The following CAMTA1 variants were observed in gnomAD, a reference collection of about 807,000 sequenced individuals.
The protein encoded by CAMTA1 is calmodulin binding transcription activator 1.
CAMTA1 carries 27 observed loss-of-function variants against 170.9 expected under a neutral mutation model. That is an observed-to-expected ratio of 0.16 (90% CI 0.12 to 0.22). The LOEUF (loss-of-function observed/expected upper bound fraction) is 0.22. CAMTA1 is among the 10% of genes least tolerant of loss of function. The probability of loss-of-function intolerance (pLI) is 1.00; values close to 1 mark genes in which losing one functional copy is unlikely to be tolerated. For missense variants in CAMTA1, 1,619 were observed against 2,217.2 expected, an observed-to-expected ratio of 0.73 and a Z score of 5.42; for synonymous variants, 833 against 891.5, an observed-to-expected ratio of 0.93 and a Z score of 1.17.
chr1:6,831,293 T>C (rs1465593032), intron 3 of CAMTA1, among the ~76,000 whole-genome samples: 1 of 152,224 alleles, frequency 6.6e-6, no homozygotes, highest in Non-Finnish European at 1.5e-5. Context: ...AAGAACCTAC[T>C]CTTGTTTCAT....
rs533667579 is a variant in CAMTA1 at position 7,759,299 on chromosome 1, A to C, written c.4989+3631A>C. ...TAAAAAGGCAGAATTAAGACACGAC[A>C]GACAAATTCCAGCAGCAGAGCAATC... On this transcript the variant is annotated intron_variant, in intron 22 of 22. Transcript: ENST00000303635. Among the ~76,000 whole-genome samples, 8 of 152,370 alleles carry C rather than the reference A, an allele frequency of 5.3e-5. 1 individual carries two copies. The South Asian group carries it at 1.7e-3, about 32-fold the overall frequency.
chr1:6,931,764 G>C (rs1684455222), intron 3 of CAMTA1, among the ~76,000 whole-genome samples: 1 of 152,116 alleles, frequency 6.6e-6, no homozygotes, highest in African/African-American at 2.4e-5. Flanking sequence ...ATAGAATCAG[G>C]GTTCCTGGTC....
intron 11 of CAMTA1, among the ~76,000 whole-genome samples, chr1:7,718,469 A>G (rs1315755968): frequency 6.9e-6 from 1 of 145,178 alleles, no homozygotes. Flanking sequence ...TTCATTTTCC[A>G]TTTTCCTTTA....
intron 5 of CAMTA1, among the ~76,000 whole-genome samples, chr1:7,423,022 T>C (rs186084552): frequency 6.6e-6 from 1 of 152,398 alleles, no homozygotes; most frequent in Non-Finnish European, 1.5e-5. Flanking sequence ...GTTTTCTCCA[T>C]TAATCTCAAT....
intron 4 of CAMTA1, among the ~76,000 whole-genome samples, chr1:7,117,535 A>T (rs1399328761): frequency 7.2e-5 from 11 of 152,104 alleles, no homozygotes. Flanking sequence ...CACTCCTGCC[A>T]TGGATGACTT....
intron 5 of CAMTA1, among the ~76,000 whole-genome samples, chr1:7,373,984 C>A (rs2086665227): frequency 6.6e-6 from 1 of 152,246 alleles, no homozygotes; most frequent in African/African-American, 2.4e-5. Flanking sequence ...TGCTCTGAGC[C>A]TGGCAAAGTC....
chr1:6,893,504 G>T (rs1053211248), intron 3 of CAMTA1, among the ~76,000 whole-genome samples: 1 of 152,224 alleles, frequency 6.6e-6, no homozygotes, highest in African/African-American at 2.4e-5. Context: ...GAGACAGTCT[G>T]GCTGGAATAA....
chr1:7,413,688 C>A (rs1388476081), intron 5 of CAMTA1, among the ~76,000 whole-genome samples: 1 of 152,148 alleles, frequency 6.6e-6, no homozygotes, highest in Non-Finnish European at 1.5e-5. Flanking sequence ...GATATACAAT[C>A]ATGTCATCTG....
intron 6 of CAMTA1, among the ~76,000 whole-genome samples, chr1:7,483,813 C>A (rs1575557439): frequency 6.6e-6 from 1 of 152,208 alleles, no homozygotes; most frequent in East Asian, 2.0e-4. Flanking sequence ...GAGAACGCAG[C>A]CCACAGGCCG....
chr1:7,081,884 G>A (rs1356514624), intron 3 of CAMTA1, among the ~76,000 whole-genome samples: 1 of 152,220 alleles, frequency 6.6e-6, no homozygotes, highest in Non-Finnish European at 1.5e-5. Flanking sequence ...GGACCAAGCA[G>A]GCACATCTCT....
intron 5 of CAMTA1, among the ~76,000 whole-genome samples, chr1:7,285,788 C>T (rs1406265257): frequency 2.0e-5 from 3 of 152,160 alleles, no homozygotes; most frequent in Non-Finnish European, 2.9e-5. Flanking sequence ...CCCATAACGA[C>T]ACCTGTGTAC....
intron 6 of CAMTA1, among the ~76,000 whole-genome samples, chr1:7,522,076 G>A (rs558936127): frequency 2.0e-5 from 3 of 152,298 alleles, no homozygotes; most frequent in South Asian, 2.1e-4. Flanking sequence ...CTGCCAAACC[G>A]TGTGCCAGAA....
chr1:7,002,726 A>T (rs1028127324), intron 3 of CAMTA1, among the ~76,000 whole-genome samples: 7 of 152,192 alleles, frequency 4.6e-5, no homozygotes, highest in African/African-American at 1.7e-4. Context: ...GCCTTCATCA[A>T]ATTTACAGGG....
Position 7,738,617 on chromosome 1 carries a change from T to C in CAMTA1, c.4182+135T>C. The C allele has an allele frequency of 3.3e-6, 3 of 916,172 alleles. No homozygotes were observed. Among genetic ancestry groups the C allele is most frequent in the Non-Finnish European group, 4.8e-6 (3 of 624,078 alleles). 56.8% of individuals were successfully genotyped at this position (916,172 alleles called of 1,614,324 possible). A position where few individuals can be genotyped will look rare whatever the true frequency, so the allele number is the denominator to read the frequency against. The stretch of plus-strand genomic sequence containing the variant: ...GAAGTTGGCTTTGTGCAGAACATCG[T>C]TGGAGTATCTTCTTTCCTTGGGGCC... On this transcript the variant is annotated intron_variant, in intron 16 of 22. Transcript: ENST00000303635. The surrounding 1 kb of genome is among the most constrained non-coding windows in gnomAD (Gnocchi z 4.9).
chr1:7,491,816 G>T (rs920240858), intron 6 of CAMTA1, among the ~76,000 whole-genome samples: 1 of 152,210 alleles, frequency 6.6e-6, no homozygotes, highest in African/African-American at 2.4e-5. Context: ...GATGGGCAGA[G>T]CTTCCTCTGG....
intron 11 of CAMTA1, among the ~76,000 whole-genome samples, chr1:7,699,325 A>G (rs1025872150): frequency 1.3e-5 from 2 of 151,984 alleles, no homozygotes; most frequent in African/African-American, 4.8e-5. Flanking sequence ...TTATTGATCT[A>G]TTTCCTGTCA....
chr1:7,684,299 A>C (rs542110137), intron 11 of CAMTA1, among the ~76,000 whole-genome samples: 1 of 152,312 alleles, frequency 6.6e-6, no homozygotes, highest in South Asian at 2.1e-4. Flanking sequence ...TGCGGGCCAG[A>C]TGGCTCCTTC....
intron 4 of CAMTA1, among the ~76,000 whole-genome samples, chr1:7,241,110 T>G (rs747514821): frequency 6.6e-6 from 1 of 152,182 alleles, no homozygotes; most frequent in African/African-American, 2.4e-5. Context: ...CAGGATAAGA[T>G]CAACATACAA....
chr1:6,825,295 C>A, intron 3 of CAMTA1, 85 bp downstream of exon 3: 1 of 657,634 alleles, frequency 1.5e-6, no homozygotes, highest in Non-Finnish European at 2.7e-6. Context: ...TTTATGTTAG[C>A]TTTAAATTTA....
Sources: gnomAD v4.1 joint callset for allele counts (sites outside exome capture counted in the v4.1 genomes callset) on GRCh38, gnomAD v4.1.1 for gene constraint, Gnocchi (gnomAD v3.1) non-coding constraint, MANE v1.5 for transcripts, NCBI Gene and HGNC (gene_info 2026-07-23, HGNC 2026-07-21) for gene names.